The following UTP18 variants were observed in gnomAD, a reference collection of about 807,000 sequenced individuals.
UTP18 encodes the protein U3 small nucleolar RNA-associated protein 18 homolog.
UTP18 carries 36 observed loss-of-function variants against 61.1 expected under a neutral mutation model. That is an observed-to-expected ratio of 0.59 (90% CI 0.45 to 0.78). The LOEUF is 0.78. Among genes scored for constraint, UTP18 ranks in the 30% least tolerant of loss-of-function variants. UTP18 has a pLI of 0.00. For synonymous variants in UTP18, 282 were observed against 251.1 expected, an observed-to-expected ratio of 1.12 and a Z score of -1.16; for missense variants, 753 against 693.9, an observed-to-expected ratio of 1.09 and a Z score of -0.96.
intron 5 of UTP18, among the ~76,000 whole-genome samples, chr17:51,275,131 AG>A (rs1192947542): frequency 8.0e-5 from 12 of 149,950 alleles, no homozygotes; most frequent in African/African-American, 2.7e-4. Context: ...CAACAGGCAG[AG>A]GTTGTGGTGA....
chr17:51,280,326 C>G (rs1411184496), intron 8 of UTP18, 63 bp from the exon 9 acceptor site: 1 of 1,559,520 alleles, frequency 6.4e-7, no homozygotes. Context: ...TGTTTTTACT[C>G]TACATTGTGT....
Position 51,260,565 on chromosome 17 carries a change from G to A in UTP18, c.-20G>A, listed in dbSNP as rs749900292. The A allele has an allele frequency of 1.1e-5, 17 of 1,602,888 alleles. 1 individual carries two copies. The highest frequency in any genetic ancestry group is 7.0e-5 in the Admixed American group (4 of 57,374). Reference sequence around the variant, plus strand: ...AGCGAGGTTCCACGTGAGCGCCTGCGTTTCTCCTCAAACCTAACGATGCCG... The same window carrying A: ...AGCGAGGTTCCACGTGAGCGCCTGCATTTCTCCTCAAACCTAACGATGCCG... On this transcript the variant is annotated 5_prime_UTR_variant, in exon 1 of 14. Coordinates refer to ENST00000225298, the MANE Select transcript of UTP18 (RefSeq NM_016001.3).
intron 11 of UTP18, 26 bp from the exon 12 acceptor site, chr17:51,293,877 T>G: frequency 1.3e-6 from 2 of 1,504,440 alleles, no homozygotes; most frequent in Non-Finnish European, 8.9e-7. Context: ...TTGTTACACT[T>G]TAAAGTTTTT....
intron 4 of UTP18, among the ~76,000 whole-genome samples, chr17:51,269,505 T>G (rs1430823527): frequency 6.6e-6 from 1 of 151,870 alleles, no homozygotes; most frequent in Non-Finnish European, 1.5e-5. Flanking sequence ...ATCCTGAGAG[T>G]CCGGAGTATA....
chr17:51,296,789 C>T (rs1018564465), intron 12 of UTP18, 176 bp from the exon 13 acceptor site: 3 of 548,866 alleles, frequency 5.5e-6, no homozygotes, highest in East Asian at 3.3e-5. Context: ...AAATCTGAGG[C>T]GTTCAGATCC....
intron 9 of UTP18, 135 bp from the exon 10 acceptor site, chr17:51,285,110 C>T (rs2144432916): frequency 1.2e-6 from 1 of 854,740 alleles, no homozygotes; most frequent in Non-Finnish European, 1.7e-6. Context: ...GTCCAGTTTT[C>T]CAGAACTAGG....
At chr17:51,286,949 G>A (rs1437241051) in intron 10 of UTP18, among the ~76,000 whole-genome samples, 1 of 150,972 alleles carries the variant, frequency 6.6e-6, no homozygotes, top group African/African-American at 2.5e-5. Context: ...TTAGCATTAA[G>A]TATATCTCCT....
intron 13 of UTP18, 59 bp downstream of exon 13, chr17:51,297,062 G>T: frequency 7.0e-7 from 1 of 1,420,932 alleles, no homozygotes; most frequent in Non-Finnish European, 9.7e-7. Flanking sequence ...ATTGCTGTCA[G>T]TTGGTGGAAG....
chr17:51,297,610 G>A (rs1275063748), intron 13 of UTP18, among the ~76,000 whole-genome samples, 172 bp from the exon 14 acceptor site: 1 of 152,196 alleles, frequency 6.6e-6, no homozygotes, highest in African/African-American at 2.4e-5. Context: ...AATGCAGATA[G>A]ATTTAATTAG....
chr17:51,268,332 C>G (rs1904378356), intron 3 of UTP18, among the ~76,000 whole-genome samples: 1 of 152,150 alleles, frequency 6.6e-6, no homozygotes, highest in South Asian at 2.1e-4. Context: ...GGCCCAGGTA[C>G]CAGTTCTTAC....
Position 51,260,819 on chromosome 17 carries a change from A to T in UTP18, c.235A>T (p.Arg79Trp). 1 of 1,592,884 alleles carries T rather than the reference A, an allele frequency of 6.3e-7. No homozygotes were observed. The highest frequency in any genetic ancestry group is 1.1e-5 in the South Asian group (1 of 88,306). ...ACGGCTCCGGCAGCGGAACCGCCTG[A>T]GGCTGGAGGAGGACAAACCGGCCGT... ...ERRLRQRNRL[R>W]LEEDKPAVER... The change falls in exon 1 of 14, where the codon AGG becomes TGG. Residue 79 changes from arginine to tryptophan, a missense_variant. Arg to Trp is a moderately radical substitution (Grantham distance 101, BLOSUM62 -3). Coordinates refer to ENST00000225298, the MANE Select transcript of UTP18 (RefSeq NM_016001.3).
At chr17:51,278,810 A>G (rs1280623504) in intron 7 of UTP18, among the ~76,000 whole-genome samples, 3 of 152,206 alleles carry the variant, frequency 2.0e-5, no homozygotes, top group African/African-American at 7.2e-5. Flanking sequence ...ATTACCCTTA[A>G]TAGGCATAGT....
intron 4 of UTP18, among the ~76,000 whole-genome samples, chr17:51,272,446 A>C (rs1328538263): frequency 6.6e-6 from 1 of 152,006 alleles, no homozygotes; most frequent in African/African-American, 2.4e-5. Context: ...CGTTGTTTAG[A>C]TCCCTGTGGG....
At chr17:51,295,901 G>A (rs1277997396) in intron 12 of UTP18, among the ~76,000 whole-genome samples, 2 of 152,122 alleles carry the variant, frequency 1.3e-5, no homozygotes, top group African/African-American at 4.8e-5. Context: ...TTGAGAAAAA[G>A]CCACTTTAAT....
At chr17:51,284,051 A>G (rs1056651779) in intron 9 of UTP18, among the ~76,000 whole-genome samples, 1 of 152,330 alleles carries the variant, frequency 6.6e-6, no homozygotes, top group East Asian at 1.9e-4. Context: ...TTCCTTTATT[A>G]TAACATTAAT....
chr17:51,273,472 G>A (rs779472821), intron 5 of UTP18, 22 bp downstream of exon 5: 8 of 1,574,614 alleles, frequency 5.1e-6, no homozygotes, highest in African/African-American at 1.3e-5. Context: ...TGAAGTTGGG[G>A]GATCCTATCT....
At chr17:51,274,047 G>T in intron 5 of UTP18, among the ~76,000 whole-genome samples, 1 of 152,062 alleles carries the variant, frequency 6.6e-6, no homozygotes, top group East Asian at 1.9e-4. Context: ...TCTGGCTTTT[G>T]CCTGGATCCT....
intron 2 of UTP18, among the ~76,000 whole-genome samples, chr17:51,265,100 G>A (rs545042977): frequency 4.1e-4 from 62 of 152,172 alleles, no homozygotes; most frequent in African/African-American, 1.4e-3. Context: ...TAGATTTATT[G>A]TAGGTTTTCC....
In UTP18 at chr17:51,283,824, A is replaced by G. The variant is rs1156242417; in HGVS notation, c.1205-1421A>G. Reference sequence around the variant, plus strand: ...GAGATGGTGATTCACCATTTTGGCCAGGTTGGTCTCGAACTCCTGGCCTCA... The same window carrying G: ...GAGATGGTGATTCACCATTTTGGCCGGGTTGGTCTCGAACTCCTGGCCTCA... On this transcript the variant is annotated intron_variant, in intron 9 of 13. Coordinates refer to ENST00000225298, the MANE Select transcript of UTP18 (RefSeq NM_016001.3). Among the ~76,000 whole-genome samples, 3 of 152,094 alleles carry G rather than the reference A, an allele frequency of 2.0e-5. 1 individual carries two copies. The highest frequency in any genetic ancestry group is 6.8e-3 in the Middle Eastern group (2 of 294).
Sources: gnomAD v4.1 joint callset for allele counts (sites outside exome capture counted in the v4.1 genomes callset) on GRCh38, gnomAD v4.1.1 for gene constraint, MANE v1.5 for transcripts, NCBI Gene and HGNC (gene_info 2026-07-23, HGNC 2026-07-21) for gene names.